The following CHCHD3 variants were observed in gnomAD, a reference collection of about 807,000 sequenced individuals.
CHCHD3 encodes the protein coiled-coil-helix-coiled-coil-helix domain containing 3, also known as MICOS complex subunit MIC19.
A neutral mutation model predicts 38.2 loss-of-function variants in CHCHD3; 20 were observed. The ratio of observed to expected loss-of-function variants is 0.52; its 90% CI spans 0.37 to 0.76. The LOEUF is 0.76. Ranked by LOEUF, CHCHD3 falls within the 30% of genes least tolerant of loss-of-function variation. CHCHD3 has a pLI of 0.00. For missense variants in CHCHD3, 245 were observed against 279.2 expected, an observed-to-expected ratio of 0.88 and a Z score of 0.87; for synonymous variants, 82 against 100.0, an observed-to-expected ratio of 0.82 and a Z score of 1.07.
chr7:132,888,893 G>C (rs1236896428), intron 4 of CHCHD3, among the ~76,000 whole-genome samples: 1 of 152,098 alleles, frequency 6.6e-6, no homozygotes, highest in East Asian at 1.9e-4. Flanking sequence ...GGGAGGGACA[G>C]AGAAGGTTGA....
intron 4 of CHCHD3, among the ~76,000 whole-genome samples, chr7:132,923,265 A>C (rs1810302483): frequency 6.6e-6 from 1 of 152,264 alleles, no homozygotes; most frequent in South Asian, 2.1e-4. Flanking sequence ...CTTTTCCGAA[A>C]GTTGGGTTGA....
chr7:133,014,014 T>C (rs938743902), intron 3 of CHCHD3, among the ~76,000 whole-genome samples: 2 of 152,214 alleles, frequency 1.3e-5, no homozygotes, highest in East Asian at 3.8e-4. Flanking sequence ...TCTTAACTAG[T>C]AGACACTTGT....
intron 5 of CHCHD3, among the ~76,000 whole-genome samples, chr7:132,858,115 T>C (rs1477277518): frequency 6.6e-6 from 1 of 152,166 alleles, no homozygotes; most frequent in Non-Finnish European, 1.5e-5. Flanking sequence ...CAGGCTAGAG[T>C]GCAGTGGTAC....
At chr7:132,852,842 T>A (rs1808252586) in intron 5 of CHCHD3, among the ~76,000 whole-genome samples, 1 of 152,168 alleles carries the variant, frequency 6.6e-6, no homozygotes. Context: ...CCTGACTTTT[T>A]AAAATAAGAT....
At chr7:133,045,736 T>C (rs1360106535) in intron 2 of CHCHD3, among the ~76,000 whole-genome samples, 1 of 152,162 alleles carries the variant, frequency 6.6e-6, no homozygotes, top group East Asian at 1.9e-4. Flanking sequence ...TCGCCAGTGT[T>C]GGAGGTGAGG....
chr7:132,868,422 G>A (rs1808684974), intron 5 of CHCHD3, among the ~76,000 whole-genome samples: 1 of 151,980 alleles, frequency 6.6e-6, no homozygotes, highest in Non-Finnish European at 1.5e-5. Flanking sequence ...AATGCCTTTT[G>A]AGTAATTTAG....
intron 4 of CHCHD3, chr7:132,973,864 T>C: frequency 8.6e-7 from 1 of 1,166,046 alleles, no homozygotes; most frequent in African/African-American, 1.6e-5. Context: ...AGTTCAAAGT[T>C]CTCCATTCCA....
chr7:133,056,591 T>C (rs1814343912), intron 2 of CHCHD3, among the ~76,000 whole-genome samples: 1 of 151,974 alleles, frequency 6.6e-6, no homozygotes, highest in African/African-American at 2.4e-5. Context: ...AATAAATAAA[T>C]AAATGTTTGT....
chr7:132,942,502 G>A (rs548670815), intron 4 of CHCHD3, among the ~76,000 whole-genome samples: 32 of 152,244 alleles, frequency 2.1e-4, no homozygotes, highest in Non-Finnish European at 3.7e-4. Context: ...ATTACTCAGT[G>A]TTAATAATTG....
At chr7:132,843,410 A>T (rs1807993277) in intron 5 of CHCHD3, among the ~76,000 whole-genome samples, 1 of 152,250 alleles carries the variant, frequency 6.6e-6, no homozygotes, top group South Asian at 2.1e-4. Flanking sequence ...CAATGCGAGA[A>T]TAATATAGTA....
At chr7:133,008,349 A>G (rs1267880833) in intron 3 of CHCHD3, among the ~76,000 whole-genome samples, 1 of 126,520 alleles carries the variant, frequency 7.9e-6, no homozygotes, top group East Asian at 2.3e-4. Context: ...AGATTAAGCT[A>G]TCGATGGTTT....
chr7:132,815,316 G>C (rs900427157), intron 6 of CHCHD3, among the ~76,000 whole-genome samples: 1 of 152,218 alleles, frequency 6.6e-6, no homozygotes, highest in East Asian at 1.9e-4. Context: ...CTTTGCCCAG[G>C]AGACTATTTC....
intron 4 of CHCHD3, among the ~76,000 whole-genome samples, chr7:132,915,125 C>G (rs1249973150): frequency 6.7e-6 from 1 of 149,712 alleles, no homozygotes; most frequent in Non-Finnish European, 1.5e-5. Flanking sequence ...GGTGACAGAG[C>G]AGTACTCCAT....
intron 2 of CHCHD3, among the ~76,000 whole-genome samples, chr7:133,040,493 A>C (rs1465354014): frequency 6.6e-6 from 1 of 152,174 alleles, no homozygotes. Context: ...ACAGACCTGA[A>C]TAAATATACT....
chr7:133,022,643 A>T (rs1584650381), intron 3 of CHCHD3: 1 of 386,484 alleles, frequency 2.6e-6, no homozygotes, highest in East Asian at 7.1e-5. Flanking sequence ...AGAAAAAATA[A>T]TACAAAGGCT....
At chr7:132,908,749 C>T (rs1474088689) in intron 4 of CHCHD3, among the ~76,000 whole-genome samples, 4 of 152,140 alleles carry the variant, frequency 2.6e-5, no homozygotes, top group Admixed American at 6.5e-5. Context: ...CCTGAACTCA[C>T]GAGTCTGGGG....
intron 3 of CHCHD3, among the ~76,000 whole-genome samples, chr7:132,979,704 GC>G (rs1811867974): frequency 6.6e-6 from 1 of 152,174 alleles, no homozygotes. Context: ...AATTTTACTT[GC>G]TTTCAGATTC....
intron 4 of CHCHD3, among the ~76,000 whole-genome samples, chr7:132,920,455 T>A (rs983062592): frequency 6.6e-6 from 1 of 152,130 alleles, no homozygotes; most frequent in Non-Finnish European, 1.5e-5. Context: ...AAGGAGATGC[T>A]TATCTGACAT....
intron 6 of CHCHD3, among the ~76,000 whole-genome samples, chr7:132,815,859 A>G (rs1264815760): frequency 3.9e-5 from 6 of 152,174 alleles, no homozygotes; most frequent in Non-Finnish European, 7.4e-5. Flanking sequence ...AAAAATGCCT[A>G]CTCATTCAAT....
Sources: gnomAD v4.1 joint callset for allele counts (sites outside exome capture counted in the v4.1 genomes callset) on GRCh38, gnomAD v4.1.1 for gene constraint, MANE v1.5 for transcripts, NCBI Gene and HGNC (gene_info 2026-07-23, HGNC 2026-07-21) for gene names.